The following TMEM163 variants were observed in gnomAD, a reference collection of about 807,000 sequenced individuals.
TMEM163 encodes transmembrane protein 163.
A neutral mutation model predicts 29.3 loss-of-function variants in TMEM163; 17 were observed. That is an observed-to-expected ratio of 0.58 (90% confidence interval 0.40 to 0.87). The LOEUF (loss-of-function observed/expected upper bound fraction) is 0.87, where lower values mean the gene tolerates loss of function less well. Ranked by LOEUF, TMEM163 falls within the 40% of genes least tolerant of loss-of-function variation. The pLI is 0.00. For missense variants in TMEM163, 303 were observed against 381.5 expected, an observed-to-expected ratio of 0.79 and a Z score of 1.71; for synonymous variants, 157 against 160.6, an observed-to-expected ratio of 0.98 and a Z score of 0.17.
chr2:134,642,034 A>T (rs781639264), intron 2 of TMEM163, among the ~76,000 whole-genome samples: 1 of 152,206 alleles, frequency 6.6e-6, no homozygotes, highest in Admixed American at 6.5e-5. Flanking sequence ...AAAACACAAC[A>T]TACTAAATGT....
At chr2:134,468,831 G>C (rs1574154821) in intron 5 of TMEM163, 2 of 152,368 alleles carry the variant, frequency 1.3e-5, no homozygotes, top group African/African-American at 4.8e-5. Context: ...AAAGGGAGCT[G>C]CAGACCCAGG....
At chr2:134,522,891 G>A (rs1680216439) in intron 4 of TMEM163, among the ~76,000 whole-genome samples, 1 of 152,174 alleles carries the variant, frequency 6.6e-6, no homozygotes, top group Non-Finnish European at 1.5e-5. Context: ...CTTGCATGTT[G>A]AAAGAAAAAT....
intron 2 of TMEM163, among the ~76,000 whole-genome samples, chr2:134,703,183 G>A (rs1390992437): frequency 1.3e-5 from 2 of 152,092 alleles, no homozygotes; most frequent in Non-Finnish European, 2.9e-5. Flanking sequence ...GGAAACAGGG[G>A]GTCCAACAGA....
intron 2 of TMEM163, among the ~76,000 whole-genome samples, chr2:134,623,425 G>A (rs1008737128): frequency 2.0e-5 from 3 of 152,062 alleles, no homozygotes; most frequent in Non-Finnish European, 2.9e-5. Context: ...TATTAGACAC[G>A]GGAAAAACCA....
chr2:134,525,568 G>A (rs1171419362), intron 4 of TMEM163, among the ~76,000 whole-genome samples: 2 of 152,234 alleles, frequency 1.3e-5, no homozygotes, highest in Non-Finnish European at 2.9e-5. Flanking sequence ...GTTGTGTGAA[G>A]ATAGCGCCTA....
intron 6 of TMEM163, 112 bp from the exon 7 acceptor site, chr2:134,458,285 C>T: frequency 7.5e-7 from 1 of 1,340,424 alleles, no homozygotes; most frequent in South Asian, 1.3e-5. Flanking sequence ...AGGAATGATG[C>T]CCAAAGCTCT....
intron 2 of TMEM163, among the ~76,000 whole-genome samples, chr2:134,573,979 T>C (rs923720224): frequency 6.6e-6 from 1 of 152,220 alleles, no homozygotes; most frequent in African/African-American, 2.4e-5. Context: ...AGCTATTATG[T>C]GGCCTGTGTT....
chr2:134,634,020 TAATAG>T, intron 2 of TMEM163, among the ~76,000 whole-genome samples: 1 of 112,232 alleles, frequency 8.9e-6, no homozygotes, highest in East Asian at 3.0e-4. Flanking sequence ...TATATATATA[TAATAG>T]GACTGTTTTA....
In TMEM163 at chr2:134,551,913, T is replaced by C. The variant is rs1418015067; in HGVS notation, c.366+135A>G. On this transcript the variant is annotated intron_variant, in intron 3 of 7. Transcript: ENST00000281924. ...TTAAATTTTCATTTTTTAATAGAAG[T>C]GGGTTTCCATAAAATATGTTTCTCA... 4.5e-6 allele frequency: 3 copies of C among 660,862 alleles called. No homozygotes were observed. In the East Asian group the frequency reaches 8.5e-5, roughly 19 times the overall value. 40.9% of individuals were successfully genotyped at this position (660,862 alleles called of 1,614,324 possible).
chr2:134,569,924 A>G (rs1681382708), intron 2 of TMEM163, among the ~76,000 whole-genome samples: 1 of 152,228 alleles, frequency 6.6e-6, no homozygotes, highest in Non-Finnish European at 1.5e-5. Context: ...GACATAAATT[A>G]TCCTTTTGTC....
At chr2:134,631,042 A>G (rs1682955952) in intron 2 of TMEM163, among the ~76,000 whole-genome samples, 1 of 152,202 alleles carries the variant, frequency 6.6e-6, no homozygotes, top group Non-Finnish European at 1.5e-5. Context: ...AAAAGGGAAA[A>G]CCAGCAACAA....
intron 2 of TMEM163, among the ~76,000 whole-genome samples, chr2:134,584,735 A>T (rs1464877449): frequency 6.6e-6 from 1 of 152,208 alleles, no homozygotes; most frequent in Non-Finnish European, 1.5e-5. Context: ...CTGGGTGGCA[A>T]CTTTTACCGG....
chr2:134,662,877 C>G (rs1354024933), intron 2 of TMEM163, among the ~76,000 whole-genome samples: 1 of 152,190 alleles, frequency 6.6e-6, no homozygotes, highest in Non-Finnish European at 1.5e-5. Context: ...TGACAAAACC[C>G]TGTTTCTCTG....
intron 4 of TMEM163, among the ~76,000 whole-genome samples, chr2:134,534,069 T>C (rs916829516): frequency 2.0e-5 from 3 of 152,084 alleles, no homozygotes; most frequent in Non-Finnish European, 4.4e-5. Context: ...CCCATCTCCT[T>C]CTTTAGGTCC....
chr2:134,711,586 C>T (rs1217647097), intron 2 of TMEM163, among the ~76,000 whole-genome samples: 1 of 152,160 alleles, frequency 6.6e-6, no homozygotes, highest in African/African-American at 2.4e-5. Context: ...CACAAAGCAA[C>T]ATTCTAATTC....
At chr2:134,488,873 A>G (rs1421272767) in intron 5 of TMEM163, among the ~76,000 whole-genome samples, 1 of 152,214 alleles carries the variant, frequency 6.6e-6, no homozygotes, top group Non-Finnish European at 1.5e-5. Flanking sequence ...GCATAAAAAT[A>G]TAATCAACTT....
intron 5 of TMEM163, among the ~76,000 whole-genome samples, chr2:134,485,568 C>T (rs1166431796): frequency 6.6e-6 from 1 of 152,110 alleles, no homozygotes; most frequent in Non-Finnish European, 1.5e-5. Flanking sequence ...AAGCTGCTGC[C>T]CGAGGCACAA....
In TMEM163 at chr2:134,456,585, C is replaced by T. The variant is rs935485119; in HGVS notation, c.*131G>A. ...GGTAGATCCACCTGGCTGGGCAGAC[C>T]TTGTCTTGTAATGACAAACCATGTG... On this transcript the variant is annotated 3_prime_UTR_variant, in exon 8 of 8. Coordinates refer to ENST00000281924, the MANE Select transcript of TMEM163 (RefSeq NM_030923.5). The T allele has an allele frequency of 3.5e-6, 4 of 1,138,926 alleles. No homozygotes were observed. The African/African-American group carries it at 4.6e-5, about 13-fold the overall frequency. 70.6% of individuals were successfully genotyped at this position (1,138,926 alleles called of 1,614,324 possible).
chr2:134,665,157 A>C (rs148773267), intron 2 of TMEM163, among the ~76,000 whole-genome samples: 14 of 152,336 alleles, frequency 9.2e-5, no homozygotes, highest in African/African-American at 3.1e-4. Flanking sequence ...AAACTACTGC[A>C]AGACATCTGT....
Sources: allele counts gnomAD v4.1 joint callset (sites outside exome capture counted in the v4.1 genomes callset), GRCh38; gene constraint gnomAD v4.1.1; transcripts MANE v1.5; gene names NCBI Gene and HGNC (gene_info 2026-07-23, HGNC 2026-07-21).